The following IMMP2L variants were observed in gnomAD, a reference collection of about 807,000 sequenced individuals.
IMMP2L encodes inner mitochondrial membrane peptidase subunit 2.
A neutral mutation model predicts 19.3 loss-of-function variants in IMMP2L; 18 were observed. The observed-to-expected ratio is 0.93, with a 90% CI of 0.64 to 1.38. The LOEUF is 1.38. Ranked by LOEUF, IMMP2L falls within the 40% of genes most tolerant of loss-of-function variation. IMMP2L has a pLI of 0.00. For missense variants in IMMP2L, 233 were observed against 218.2 expected, an observed-to-expected ratio of 1.07 and a Z score of -0.43; for synonymous variants, 76 against 73.0, an observed-to-expected ratio of 1.04 and a Z score of -0.21.
chr7:111,518,187 A>G (rs1285632510), intron 2 of IMMP2L, among the ~76,000 whole-genome samples: 1 of 152,138 alleles, frequency 6.6e-6, no homozygotes, highest in African/African-American at 2.4e-5. Flanking sequence ...TTTAAAAAGT[A>G]AATAAGTATT....
intron 5 of IMMP2L, among the ~76,000 whole-genome samples, chr7:110,836,788 A>G (rs1385570608): frequency 6.6e-6 from 1 of 152,182 alleles, no homozygotes; most frequent in African/African-American, 2.4e-5. Context: ...ATAATGAAAC[A>G]TAAAGCATTA....
chr7:110,951,173 A>T (rs1438319723), intron 4 of IMMP2L, among the ~76,000 whole-genome samples: 1 of 151,936 alleles, frequency 6.6e-6, no homozygotes, highest in Non-Finnish European at 1.5e-5. Context: ...GTTAAGCAAG[A>T]TGAATAAGTT....
At chr7:111,114,750 A>AAAAG (rs1268984004) in intron 3 of IMMP2L, among the ~76,000 whole-genome samples, 1 of 151,790 alleles carries the variant, frequency 6.6e-6, no homozygotes, top group Non-Finnish European at 1.5e-5. Flanking sequence ...AAAAAAAAAA[A>AAAAG]AAAGAAAGAA....
intron 3 of IMMP2L, among the ~76,000 whole-genome samples, chr7:111,171,381 G>A (rs1430754694): frequency 2.0e-5 from 3 of 151,432 alleles, no homozygotes; most frequent in Non-Finnish European, 4.4e-5. Flanking sequence ...TGACCACAAG[G>A]GAAATAATAT....
At chr7:111,474,329 T>C (rs560752126) in intron 3 of IMMP2L, among the ~76,000 whole-genome samples, 1 of 152,130 alleles carries the variant, frequency 6.6e-6, no homozygotes, top group South Asian at 2.1e-4. Flanking sequence ...AAAATAAAAG[T>C]TGAAATTACT....
chr7:111,196,636 GCA>G (rs1385578113), intron 3 of IMMP2L, among the ~76,000 whole-genome samples: 3 of 152,042 alleles, frequency 2.0e-5, no homozygotes, highest in Non-Finnish European at 4.4e-5. Context: ...ACAAAATAAA[GCA>G]CTTTCACGAA....
chr7:110,787,200 C>A (rs1273363983), intron 5 of IMMP2L, among the ~76,000 whole-genome samples: 1 of 151,944 alleles, frequency 6.6e-6, no homozygotes, highest in East Asian at 1.9e-4. Context: ...TGCTTCCCAA[C>A]CCTTAATTCA....
intron 4 of IMMP2L, among the ~76,000 whole-genome samples, chr7:110,958,669 C>T (rs1363931481): frequency 6.6e-6 from 1 of 152,006 alleles, no homozygotes; most frequent in East Asian, 1.9e-4. Context: ...TATCTAGCCA[C>T]AGCTGACAGG....
chr7:111,444,689 T>C (rs1255317750), intron 3 of IMMP2L, among the ~76,000 whole-genome samples: 1 of 152,106 alleles, frequency 6.6e-6, no homozygotes, highest in Non-Finnish European at 1.5e-5. Context: ...TTTATATACT[T>C]CCTACACTCA....
intron 3 of IMMP2L, among the ~76,000 whole-genome samples, chr7:111,303,605 T>C (rs1225510943): frequency 6.6e-6 from 1 of 152,106 alleles, no homozygotes; most frequent in East Asian, 1.9e-4. Context: ...GATTCTCCCA[T>C]TCTTTAAAAC....
chr7:111,065,387 A>G (rs1179027195), intron 3 of IMMP2L, among the ~76,000 whole-genome samples: 1 of 152,166 alleles, frequency 6.6e-6, no homozygotes, highest in Non-Finnish European at 1.5e-5. Flanking sequence ...AAGATTAGGT[A>G]TGATCTCAGG....
intron 3 of IMMP2L, among the ~76,000 whole-genome samples, chr7:111,084,147 G>A (rs1005473427): frequency 3.9e-5 from 6 of 152,032 alleles, no homozygotes; most frequent in Non-Finnish European, 8.8e-5. Context: ...AGCAGCCAAG[G>A]TAAGAGACGA....
intron 3 of IMMP2L, among the ~76,000 whole-genome samples, chr7:111,000,097 G>A (rs949444975): frequency 2.6e-5 from 4 of 152,116 alleles, no homozygotes; most frequent in African/African-American, 9.7e-5. Flanking sequence ...GTTTGTTGTG[G>A]TTGTTTTCCT....
chr7:111,413,646 C>T (rs1359236194), intron 3 of IMMP2L, among the ~76,000 whole-genome samples: 1 of 149,460 alleles, frequency 6.7e-6, no homozygotes, highest in Non-Finnish European at 1.5e-5. Context: ...TGGCAATAAT[C>T]CCTCAGTCCT....
At chr7:110,697,542 G>C (rs1235432903) in intron 5 of IMMP2L, among the ~76,000 whole-genome samples, 1 of 152,112 alleles carries the variant, frequency 6.6e-6, no homozygotes, top group South Asian at 2.1e-4. Context: ...GGTGGCACAC[G>C]CCTGTTATCC....
At chr7:110,984,858 C>T (rs1217510573) in intron 3 of IMMP2L, among the ~76,000 whole-genome samples, 2 of 152,012 alleles carry the variant, frequency 1.3e-5, no homozygotes, top group East Asian at 1.9e-4. Flanking sequence ...CCTGTAAATA[C>T]GTGAGCTTTC....
At chr7:111,145,569 G>A (rs1803378607) in intron 3 of IMMP2L, among the ~76,000 whole-genome samples, 1 of 152,036 alleles carries the variant, frequency 6.6e-6, no homozygotes, top group African/African-American at 2.4e-5. Context: ...TTGTTCCAAT[G>A]GACTGCCAAG....
chr7:110,893,434 G>A (rs181762469), intron 4 of IMMP2L, among the ~76,000 whole-genome samples: 1 of 152,076 alleles, frequency 6.6e-6, no homozygotes, highest in Non-Finnish European at 1.5e-5. Context: ...ACGCTTTTGA[G>A]ATCAGTTCAC....
chr7:111,487,315 C>T lies in IMMP2L; in HGVS notation c.162G>A (p.Gln54=). ...MQPSLNPGGS[Q]SSDVVLLNHW... ...GGTTCAAAAGCACCACATCAGATGACTGGCTCCCCCCAGGATTCAAAGAAG... is the reference window on the plus strand; with the variant it reads ...GGTTCAAAAGCACCACATCAGATGATTGGCTCCCCCCAGGATTCAAAGAAG... Residue 54 remains glutamine, a synonymous_variant, in exon 3 of 6, where the codon CAG becomes CAA. Coordinates refer to ENST00000405709, the MANE Select transcript of IMMP2L (RefSeq NM_032549.4). 1 of 1,608,032 alleles carries T rather than the reference C, an allele frequency of 6.2e-7. No homozygotes were observed. Among genetic ancestry groups the T allele is most frequent in the Non-Finnish European group, 8.5e-7 (1 of 1,174,580 alleles).
Sources: gnomAD v4.1 joint callset for allele counts (sites outside exome capture counted in the v4.1 genomes callset) on GRCh38, gnomAD v4.1.1 for gene constraint, MANE v1.5 for transcripts, NCBI Gene and HGNC (gene_info 2026-07-23, HGNC 2026-07-21) for gene names.